Variants in NOTCH3 observed in about 807,000 individuals in gnomAD.
NOTCH3 encodes the protein neurogenic locus notch homolog protein 3.
In NOTCH3, 86 loss-of-function variants were observed where a neutral mutation model predicts 213.3. The observed-to-expected ratio is 0.40, with a 90% CI of 0.34 to 0.48. The LOEUF (loss-of-function observed/expected upper bound fraction) is 0.48. NOTCH3 is among the 20% of genes least tolerant of loss of function. NOTCH3 has a pLI of 0.57. For synonymous variants in NOTCH3, 1,354 were observed against 1,355.9 expected (o/e 1.00, Z 0.03); for missense variants, 2,783 against 3,272.6 (o/e 0.85, Z 3.65).
Position 15,186,947 on chromosome 19 carries a change from G to A in NOTCH3, c.1882C>T (p.Pro628Ser), listed in dbSNP as rs1216114922. 1 of 1,614,204 alleles carries A rather than the reference G, an allele frequency of 6.2e-7. No individual in the cohort carries two copies. The highest frequency in any genetic ancestry group is 2.2e-5 in the East Asian group (1 of 44,876). ...TCACGGCAGACTCCAAAGGTGCAGGGGTTGCTGGCACAGTCGTCAATGTTC... is the reference window on the plus strand; with the variant it reads ...TCACGGCAGACTCCAAAGGTGCAGGAGTTGCTGGCACAGTCGTCAATGTTC... ...EVNIDDCASN[P>S]CTFGVCRDGI... Residue 628 changes from proline to serine, a missense_variant, in exon 12 of 33, where the codon CCC becomes TCC. By Grantham distance (74) the Pro-to-Ser change is moderately conservative. Around this residue, in one of 6 missense-constraint regions of NOTCH3, gnomAD observed 708 missense variants for 906.6 expected, o/e 0.78. Transcript: ENST00000263388.
In NOTCH3 at chr19:15,179,135, TCGCAG is replaced by T; in HGVS notation, c.3603_3607del (p.Cys1202GlyfsTer5). On this transcript the variant is annotated frameshift_variant, in exon 22 of 33. Coordinates refer to ENST00000263388, the MANE Select transcript of NOTCH3 (RefSeq NM_000435.3). LOFTEE classifies it high-confidence loss of function. ...TGAGCGACACTCATTGATGTCTGCC[TCGCAG>T]CGCAAACCAGTGTATCCTGGGGGAC... is the stretch of plus-strand genomic sequence containing the variant. The T allele has an allele frequency of 6.2e-7, 1 of 1,614,172 alleles. No homozygotes were observed. Among genetic ancestry groups the T allele is most frequent in the Non-Finnish European group, 8.5e-7 (1 of 1,180,024 alleles).
chr19:15,193,627 C>T (rs908200613), intron 2 of NOTCH3, among the ~76,000 whole-genome samples: 2 of 151,424 alleles, frequency 1.3e-5, no homozygotes, highest in African/African-American at 4.9e-5. Flanking sequence ...AAATTATAAC[C>T]GGGCATGGTG....
At chr19:15,176,704 A>G (rs1000705144) in intron 24 of NOTCH3, among the ~76,000 whole-genome samples, 6 of 144,570 alleles carry the variant, frequency 4.2e-5, no homozygotes, top group African/African-American at 1.3e-4. Context: ...TAGAGATTGC[A>G]CTGAGCCAAG....
At position 15,161,458 on chromosome 19, in the gene NOTCH3, T is replaced by A. The variant is rs1298459421; in HGVS notation, c.6170A>T (p.Gln2057Leu). The A allele has an allele frequency of 6.4e-7, 1 of 1,565,804 alleles. No individual in the cohort carries two copies. Among genetic ancestry groups the A allele is most frequent in the Non-Finnish European group, 8.7e-7 (1 of 1,154,568 alleles). Residue 2057 changes from glutamine (Q) to leucine (L), a missense_variant, in exon 33 of 33, where the codon CAG (glutamine) becomes CTG (leucine). Gln to Leu is a moderately radical substitution (Grantham distance 113, BLOSUM62 -2). This residue lies in a region of NOTCH3 where 441 missense variants were observed against 432.1 expected (regional missense o/e 1.02). Coordinates refer to ENST00000263388, the MANE Select transcript of NOTCH3 (RefSeq NM_000435.3). ...GAFLPGLKAA[Q>L]SGSKKSRRPP... The stretch of plus-strand genomic sequence containing the variant: ...CCTCCTGCTCTTCTTGGACCCCGAC[T>A]GTGCCGCTTTGAGGCCAGGGAGGAA...
chr19:15,178,811 A>T lies in NOTCH3; in HGVS notation c.3837+12T>A. ...CCCTACTCCTCCTCCAAAGGCCGCC[A>T]CCCACACCTACCTGGGCACAGTGAC... On this transcript the variant is annotated intron_variant, in intron 23 of 32. Coordinates refer to ENST00000263388, the MANE Select transcript of NOTCH3 (RefSeq NM_000435.3). 1 of 1,579,646 alleles carries T rather than the reference A, an allele frequency of 6.3e-7. No homozygotes were observed. Among genetic ancestry groups the T allele is most frequent in the South Asian group, 1.1e-5 (1 of 87,334 alleles).
chr19:15,197,714 C>T (rs1456502873), intron 1 of NOTCH3, 136 bp from the exon 2 acceptor site: 15 of 652,386 alleles, frequency 2.3e-5, no homozygotes, highest in South Asian at 1.5e-4. Flanking sequence ...GCAGGGAGTC[C>T]CCCCATCCAC....
At chr19:15,187,055 C>A in intron 11 of NOTCH3, 50 bp downstream of exon 11, 1 of 1,605,850 alleles carries the variant, frequency 6.2e-7, no homozygotes, top group Non-Finnish European at 8.5e-7. Flanking sequence ...ATTCCCAAAC[C>A]CTCTGTGCCC....
Position 15,185,665 on chromosome 19 carries a change from C to T in NOTCH3, c.1966G>A (p.Val656Met), listed in dbSNP as rs560752299. The T allele has an allele frequency of 5.5e-5, 89 of 1,613,372 alleles. No homozygotes were observed. The highest frequency in any genetic ancestry group is 4.2e-4 in the South Asian group (38 of 91,080). Residue 656 changes from valine (V) to methionine (M), a missense_variant, in exon 13 of 33, where the codon GTG (valine) becomes ATG (methionine). Val to Met is a conservative substitution (Grantham distance 21). Coordinates refer to ENST00000263388, the MANE Select transcript of NOTCH3 (RefSeq NM_000435.3). The surrounding 1 kb of genome is among the most constrained non-coding windows in gnomAD (Gnocchi z 4.2). ...QPGFTGPLCN[V>M]EINECASSPC... ...CTGGAAGCACACTCATTGATCTCCA[C>T]GTTACAAAGGGGCCCTGGGGAGTAC...
At chr19:15,199,708 G>GCGCC (rs1211294133) in intron 1 of NOTCH3, among the ~76,000 whole-genome samples, 1 of 152,204 alleles carries the variant, frequency 6.6e-6, no homozygotes, top group Non-Finnish European at 1.5e-5. Flanking sequence ...CCATGTGTGT[G>GCGCC]CGCCGCTGGT....
chr19:15,186,331 T>G (rs2046880676), intron 12 of NOTCH3, among the ~76,000 whole-genome samples: 1 of 152,068 alleles, frequency 6.6e-6, no homozygotes, highest in African/African-American at 2.4e-5. Context: ...TCACTGAGTT[T>G]GGACACTTTC....
chr19:15,187,776 C>A, intron 10 of NOTCH3, 105 bp downstream of exon 10: 1 of 913,090 alleles, frequency 1.1e-6, no homozygotes, highest in Non-Finnish European at 1.8e-6. Flanking sequence ...TGGGTCCTGC[C>A]TTGCTACAAC....
intron 32 of NOTCH3, 42 bp from the exon 33 acceptor site, chr19:15,161,756 A>G: frequency 6.3e-7 from 1 of 1,576,226 alleles, no homozygotes; most frequent in Non-Finnish European, 8.7e-7. Flanking sequence ...AACCCCAGCT[A>G]ACAGTAGCAA....
intron 17 of NOTCH3, 100 bp from the exon 18 acceptor site, chr19:15,181,262 CCT>C (rs1455852130): frequency 9.0e-7 from 1 of 1,108,972 alleles, no homozygotes; most frequent in Non-Finnish European, 1.3e-6. Flanking sequence ...CGTCCCACTC[CCT>C]GACCCTTATC....
In NOTCH3 at chr19:15,185,271, G is replaced by A. The variant is rs150866973; in HGVS notation, c.2282C>T (p.Pro761Leu). The change falls in exon 14 of 33, where the codon CCG becomes CTG. Residue 761 changes from proline (P) to leucine (L), a missense_variant. Physicochemically the swap from Pro to Leu is moderately conservative, Grantham distance 98. Transcript: ENST00000263388. This position sits in a 1 kb window ranked among gnomAD's most constrained non-coding sequence, Gnocchi z 4.2. ...GAGGTACACACCCTGGACACCAGGCGGGCAGGTGCAGTGGAAACCCATTCC... is the reference window on the plus strand; with the variant it reads ...GAGGTACACACCCTGGACACCAGGCAGGCAGGTGCAGTGGAAACCCATTCC... ...SDGMGFHCTCPPGVQGRQCEL... is the reference protein window; with the variant it reads ...SDGMGFHCTCLPGVQGRQCEL... The A allele has an allele frequency of 4.3e-5, 70 of 1,613,058 alleles. No individual in the cohort carries two copies. Among genetic ancestry groups the A allele is most frequent in the Admixed American group, 5.0e-5 (3 of 60,002 alleles).
rs774187286 is a variant in NOTCH3 at position 15,160,985 on chromosome 19, G to T, written c.6643C>A (p.Pro2215Thr). Reference protein sequence around the residue: ...QERPPPYLAVPGHGEEYPAAG... With the variant: ...QERPPPYLAVTGHGEEYPAAG... ...GCCGGGTACTCCTCGCCATGTCCTG[G>T]GACTGCCAGGTAAGGCGGGGGCCGC... The change falls in exon 33 of 33, where the codon CCA becomes ACA. Residue 2215 changes from proline (P) to threonine (T), a missense_variant. This residue lies in a region of NOTCH3 where 441 missense variants were observed against 432.1 expected (regional missense o/e 1.02). Coordinates refer to ENST00000263388, the MANE Select transcript of NOTCH3 (RefSeq NM_000435.3). 1.3e-6 allele frequency: 2 copies of T among 1,563,742 alleles called. No individual in the cohort carries two copies. The highest frequency in any genetic ancestry group is 1.9e-5 in the Admixed American group (1 of 53,544).
chr19:15,179,350 T>A lies in NOTCH3; in HGVS notation c.3460+14A>T. 6.2e-7 allele frequency: 1 copy of A among 1,610,916 alleles called. No homozygotes were observed. Among genetic ancestry groups the A allele is most frequent in the Non-Finnish European group, 8.5e-7 (1 of 1,177,896 alleles). The stretch of plus-strand genomic sequence containing the variant: ...GCCTCTCATCCTGTCCCCCCAACCC[T>A]GGCCCTGGCATACCCAGCGTTCCTG... On this transcript the variant is annotated intron_variant, in intron 21 of 32. Coordinates refer to ENST00000263388, the MANE Select transcript of NOTCH3 (RefSeq NM_000435.3).
At chr19:15,166,518 A>AAG (rs1568347910) in intron 29 of NOTCH3, among the ~76,000 whole-genome samples, 1 of 151,274 alleles carries the variant, frequency 6.6e-6, no homozygotes, top group African/African-American at 2.4e-5. Flanking sequence ...GGGGGGGGAA[A>AAG]AAAAGAGCTG....
intron 23 of NOTCH3, 142 bp from the exon 24 acceptor site, chr19:15,178,232 GACCCC>G: frequency 3.4e-6 from 2 of 581,548 alleles, no homozygotes; most frequent in Non-Finnish European, 5.9e-6. Context: ...GGAAGGTTGA[GACCCC>G]CTCAACCTCC....
intron 6 of NOTCH3, among the ~76,000 whole-genome samples, chr19:15,191,037 TTA>T (rs1262274910): frequency 3.6e-5 from 5 of 139,358 alleles, no homozygotes; most frequent in Admixed American, 7.2e-5. Context: ...AATCTTTTTT[TTA>T]TTTTTTAAAT....
Sources: gnomAD v4.1 joint callset for allele counts (sites outside exome capture counted in the v4.1 genomes callset) on GRCh38, gnomAD v4.1.1 for gene constraint, gnomAD v4.1.1 regional missense constraint, Gnocchi (gnomAD v3.1) non-coding constraint, MANE v1.5 for transcripts, NCBI Gene and HGNC (gene_info 2026-07-23, HGNC 2026-07-21) for gene names.